TMEM8B: variants seen among roughly 807,000 people sequenced by gnomAD.
The protein encoded by TMEM8B is nasopharyngeal carcinoma expressed 6.
In TMEM8B, 29 loss-of-function variants were observed where a neutral mutation model predicts 49.3. That is an observed-to-expected ratio of 0.59 (90% CI 0.44 to 0.80). The LOEUF is 0.80. Ranked by LOEUF, TMEM8B falls within the 30% of genes least tolerant of loss-of-function variation. TMEM8B has a pLI of 0.00. For synonymous variants in TMEM8B, 264 were observed against 272.8 expected, an observed-to-expected ratio of 0.97 and a Z score of 0.32; for missense variants, 575 against 658.5, an observed-to-expected ratio of 0.87 and a Z score of 1.39.
intron 1 of TMEM8B, among the ~76,000 whole-genome samples, 178 bp from the exon 2 acceptor site, chr9:35,834,283 G>A (rs538984793): frequency 7.2e-5 from 11 of 152,068 alleles, no homozygotes; most frequent in African/African-American, 2.4e-4. Context: ...TAAGATTAAC[G>A]TAAGGATTAA....
chr9:35,829,269 A>C lies in TMEM8B; in HGVS notation c.-179A>C. The C allele has an allele frequency of 2.8e-6, 1 of 354,366 alleles. No individual in the cohort carries two copies. The highest frequency in any genetic ancestry group is 4.3e-5 in the East Asian group (1 of 23,484). 22.0% of individuals were successfully genotyped at this position (354,366 alleles called of 1,614,324 possible). On this transcript the variant is annotated 5_prime_UTR_variant, in exon 1 of 13. Transcript: ENST00000643932. ...GAGGCCGCCGCCGCGGGGCCTGGTTATCGCCGGTTCAGCGCAGCCCGGAGT... is the reference window on the plus strand; with the variant it reads ...GAGGCCGCCGCCGCGGGGCCTGGTTCTCGCCGGTTCAGCGCAGCCCGGAGT...
intron 6 of TMEM8B, among the ~76,000 whole-genome samples, chr9:35,843,316 T>C (rs1831206505): frequency 6.6e-6 from 1 of 152,242 alleles, no homozygotes; most frequent in Admixed American, 6.5e-5. Flanking sequence ...ATTATTAATA[T>C]CTTACATTAG....
chr9:35,845,908 G>A (rs1451338018), intron 6 of TMEM8B, 67 bp from the exon 7 acceptor site: 2 of 1,608,434 alleles, frequency 1.2e-6, no homozygotes, highest in African/African-American at 1.3e-5. Flanking sequence ...AGGGGTGGGA[G>A]TCTGAGGGTG....
rs1163659028 is a variant in TMEM8B, at chr9:35,842,409, C to G, written c.1327C>G (p.Leu443Val). The change falls in exon 6 of 13, where the codon CTG becomes GTG. Residue 443 changes from leucine to valine, a missense_variant. Transcript: ENST00000643932. The surrounding 1 kb of genome is among the most constrained non-coding windows in gnomAD (Gnocchi z 5.6). ...CCCCACAGAGTGCCCACAGCCCGGC[C>G]TGCTCCGAGCCCTGGTCCCTGGAGC... ...VRLQECPQPG[L>V]LRALVPGAAM... is the part of the protein sequence containing the mutation. The G allele has an allele frequency of 1.3e-6, 2 of 1,534,502 alleles. No homozygotes were observed. The highest frequency in any genetic ancestry group is 2.0e-5 in the Admixed American group (1 of 49,646).
intron 10 of TMEM8B, among the ~76,000 whole-genome samples, chr9:35,849,040 C>T (rs966185303): frequency 1.3e-5 from 2 of 152,054 alleles, no homozygotes; most frequent in Non-Finnish European, 2.9e-5. Flanking sequence ...TGCCTAAAGT[C>T]CTGCTCTCAC....
In TMEM8B at chr9:35,835,135, A is replaced by T. The variant is rs1588128682; in HGVS notation, c.823A>T (p.Ile275Phe). The change falls in exon 3 of 13, where the codon ATC (isoleucine) becomes TTC (phenylalanine). Residue 275 changes from isoleucine to phenylalanine, a missense_variant. Transcript: ENST00000643932. ...SWTLPNRTSG[I>F]FNVSSPLPGD... is the part of the protein sequence containing the mutation. ...GACACTGCCCAACCGCACCTCAGGC[A>T]TCTTTAACGTCAGCAGCCCCTTACC... The T allele has an allele frequency of 1.9e-5, 8 of 415,874 alleles. No individual in the cohort carries two copies. The East Asian group carries it at 2.8e-4, about 15-fold the overall frequency. 25.8% of individuals were successfully genotyped at this position (415,874 alleles called of 1,614,324 possible).
rs1485136891 is a variant in TMEM8B at position 35,856,984 on chromosome 9, T to C, written c.*3144T>C. The C allele has an allele frequency of 6.6e-6, 1 of 152,258 alleles. No homozygotes were observed. The highest frequency in any genetic ancestry group is 6.5e-5 in the Admixed American group (1 of 15,288). 9.4% of individuals were successfully genotyped at this position (152,258 alleles called of 1,614,324 possible). ...GAATCCTTGGTTGTCTCCTGACTTG[T>C]CTCAGTGGGGGAGATCCCAAGATTC... On this transcript the variant is annotated 3_prime_UTR_variant, in exon 13 of 13. Coordinates refer to ENST00000643932, the MANE Select transcript of TMEM8B (RefSeq NM_001042590.4).
chr9:35,831,167 G>A (rs956834893), intron 1 of TMEM8B, among the ~76,000 whole-genome samples: 1 of 152,218 alleles, frequency 6.6e-6, no homozygotes, highest in Non-Finnish European at 1.5e-5. Context: ...ATGTGTATGT[G>A]TGTAACTGAG....
rs1831033616 is a variant in TMEM8B, at chr9:35,841,868, G to A, written c.1309+74G>A. 1 of 414,678 alleles carries A rather than the reference G, an allele frequency of 2.4e-6. No homozygotes were observed. The highest frequency in any genetic ancestry group is 1.3e-4 in the South Asian group (1 of 7,416). 25.7% of individuals were successfully genotyped at this position (414,678 alleles called of 1,614,324 possible). On this transcript the variant is annotated intron_variant, in intron 5 of 12. Transcript: ENST00000643932. The surrounding 1 kb of genome is among the most constrained non-coding windows in gnomAD (Gnocchi z 5.9). ...GAAGTGACTTGGGTGGCTGTGTTCA[G>A]TGGCCCTCTGCCATATCCCTACAAC...
At chr9:35,847,492 C>T (rs1588168420) in intron 10 of TMEM8B, among the ~76,000 whole-genome samples, 1 of 152,360 alleles carries the variant, frequency 6.6e-6, no homozygotes, top group East Asian at 1.9e-4. Flanking sequence ...ATCGTTAGCA[C>T]GTTCGTTCCT....
At chr9:35,852,121 C>G (rs1299757080) in intron 10 of TMEM8B, among the ~76,000 whole-genome samples, 1 of 152,104 alleles carries the variant, frequency 6.6e-6, no homozygotes, top group East Asian at 1.9e-4. Context: ...TTAGGATGTC[C>G]AGTTGAGTCT....
At chr9:35,849,885 C>G (rs886496148) in intron 10 of TMEM8B, among the ~76,000 whole-genome samples, 47 of 152,226 alleles carry the variant, frequency 3.1e-4, no homozygotes, top group African/African-American at 1.1e-3. Context: ...AACTGTGTAT[C>G]CATCACAGTG....
Position 35,839,276 on chromosome 9 carries a change from T to C in TMEM8B, c.907-1858T>C, listed in dbSNP as rs115458402. Among the ~76,000 whole-genome samples the C allele has an allele frequency of 6.9e-3, 1,055 of 152,326 alleles. 11 individuals are homozygous for C. Among genetic ancestry groups the C allele is most frequent in the African/African-American group, 0.024 (1,002 of 41,576 alleles). ...CCTGTAGCCCATCCACATCTCACTT[T>C]TGCCTCTCCTAGTTTCTTGAGCTTC... On this transcript the variant is annotated intron_variant, in intron 3 of 12. Coordinates refer to ENST00000643932, the MANE Select transcript of TMEM8B (RefSeq NM_001042590.4).
intron 3 of TMEM8B, among the ~76,000 whole-genome samples, chr9:35,840,034 T>C (rs76575108): frequency 0.02 from 3,071 of 152,054 alleles, 92 homozygotes; most frequent in African/African-American, 0.07. Context: ...AGAACAGAGT[T>C]TGAAGGTATG....
rs1402668286 is a variant in TMEM8B, at chr9:35,846,341, T to G, written c.1813T>G (p.Trp605Gly). ...LRIPFPQTGT[W>G]FLALRSLCGV... The stretch of plus-strand genomic sequence containing the variant: ...AATCCCATTCCCGCAGACGGGGACC[T>G]GGTTCCTGGCCCTCCGCTCCCTGTG... The change falls in exon 8 of 13, where the codon TGG (tryptophan) becomes GGG (glycine). Residue 605 changes from tryptophan (W) to glycine (G), a missense_variant. Trp to Gly is a radical substitution (Grantham distance 184). Coordinates refer to ENST00000643932, the MANE Select transcript of TMEM8B (RefSeq NM_001042590.4). The G allele has an allele frequency of 6.2e-7, 1 of 1,613,988 alleles. No homozygotes were observed. Among genetic ancestry groups the G allele is most frequent in the Non-Finnish European group, 8.5e-7 (1 of 1,180,030 alleles).
At position 35,852,993 on chromosome 9, in the gene TMEM8B, T is replaced by G; in HGVS notation, c.2322+20T>G. On this transcript the variant is annotated intron_variant, in intron 11 of 12. Coordinates refer to ENST00000643932, the MANE Select transcript of TMEM8B (RefSeq NM_001042590.4). ...AAGCAGGTCAGTCCAGAGTGGGCCC[T>G]GGGGAACAACCATGGCCAAGTCTCC... The G allele has an allele frequency of 6.2e-7, 1 of 1,614,044 alleles. No individual in the cohort carries two copies. Among genetic ancestry groups the G allele is most frequent in the Non-Finnish European group, 8.5e-7 (1 of 1,179,950 alleles).
intron 7 of TMEM8B, 69 bp downstream of exon 7, chr9:35,846,137 G>C (rs1251432760): frequency 6.2e-7 from 1 of 1,609,422 alleles, no homozygotes; most frequent in Non-Finnish European, 8.5e-7. Context: ...AGAGGTGAAG[G>C]TGGGGAGGGA....
intron 10 of TMEM8B, 103 bp downstream of exon 10, chr9:35,847,098 C>T (rs888510327): frequency 1.9e-6 from 3 of 1,614,094 alleles, no homozygotes; most frequent in Non-Finnish European, 2.5e-6. Flanking sequence ...AATGTCTGTG[C>T]CTTCACTGTG....
At chr9:35,845,921 G>A (rs1320522840) in intron 6 of TMEM8B, 54 bp from the exon 7 acceptor site, 15 of 1,608,818 alleles carry the variant, frequency 9.3e-6, no homozygotes, top group Non-Finnish European at 1.1e-5. Context: ...TGAGGGTGGC[G>A]GTGGGTGGAG....
Sources: gnomAD v4.1 joint callset for allele counts (sites outside exome capture counted in the v4.1 genomes callset) on GRCh38, gnomAD v4.1.1 for gene constraint, Gnocchi (gnomAD v3.1) non-coding constraint, MANE v1.5 for transcripts, NCBI Gene and HGNC (gene_info 2026-07-23, HGNC 2026-07-21) for gene names.